The following CACNA2D3 variants were observed in gnomAD, a reference collection of about 807,000 sequenced individuals.
The protein encoded by CACNA2D3 is voltage-dependent calcium channel subunit alpha-2/delta-3.
In CACNA2D3, 60 loss-of-function variants were observed where a neutral mutation model predicts 160.6. The observed-to-expected ratio is 0.37, with a 90% CI of 0.30 to 0.46. CACNA2D3 has a LOEUF of 0.46. Ranked by LOEUF, CACNA2D3 falls within the 20% of genes least tolerant of loss-of-function variation. The pLI, the probability that CACNA2D3 is intolerant of heterozygous loss-of-function variation, is 1.00. For synonymous variants in CACNA2D3, 558 were observed against 492.9 expected (o/e 1.13, Z -1.75); for missense variants, 1,205 against 1,365.0 (o/e 0.88, Z 1.85).
chr3:54,556,376 T>C (rs1203622757), intron 5 of CACNA2D3, among the ~76,000 whole-genome samples: 5 of 151,972 alleles, frequency 3.3e-5, no homozygotes, highest in Non-Finnish European at 7.4e-5. Flanking sequence ...ATAATGAGGC[T>C]ACAAGCCAAG....
chr3:54,520,661 G>T (rs1701632969), intron 5 of CACNA2D3, among the ~76,000 whole-genome samples: 1 of 152,152 alleles, frequency 6.6e-6, no homozygotes, highest in Admixed American at 6.5e-5. Flanking sequence ...ACAATTCAGT[G>T]GTTTTAGTGT....
chr3:54,474,190 C>T (rs1700787215), intron 4 of CACNA2D3, among the ~76,000 whole-genome samples: 1 of 152,160 alleles, frequency 6.6e-6, no homozygotes, highest in Non-Finnish European at 1.5e-5. Flanking sequence ...AAATGTAGCA[C>T]ATATACACCA....
intron 35 of CACNA2D3, among the ~76,000 whole-genome samples, chr3:55,039,171 A>T (rs1322551526): frequency 6.6e-6 from 1 of 152,158 alleles, no homozygotes; most frequent in Non-Finnish European, 1.5e-5. Flanking sequence ...TAAAAGAGGC[A>T]GAAGCACTCA....
chr3:54,607,269 C>G (rs191544219), intron 9 of CACNA2D3, among the ~76,000 whole-genome samples: 32 of 152,230 alleles, frequency 2.1e-4, no homozygotes, highest in African/African-American at 6.5e-4. Context: ...TGAGGTCATG[C>G]GGCACTATAG....
At chr3:54,714,713 G>A (rs934800883) in intron 11 of CACNA2D3, among the ~76,000 whole-genome samples, 10 of 152,178 alleles carry the variant, frequency 6.6e-5, no homozygotes, top group Admixed American at 1.3e-4. Flanking sequence ...TCATGGTCAC[G>A]AGGATGATGG....
At chr3:54,244,462 A>T (rs1301227989) in intron 2 of CACNA2D3, among the ~76,000 whole-genome samples, 1 of 152,246 alleles carries the variant, frequency 6.6e-6, no homozygotes, top group Non-Finnish European at 1.5e-5. Context: ...TTTAAAAATG[A>T]CATCATTTGT....
chr3:54,969,262 CTTT>C (rs66688757), intron 28 of CACNA2D3, among the ~76,000 whole-genome samples: 1 of 134,688 alleles, frequency 7.4e-6, no homozygotes, highest in African/African-American at 2.8e-5. Flanking sequence ...ATAAAGTAGA[CTTT>C]TTTTTTTTTT....
chr3:54,308,260 T>C (rs1402205524), intron 2 of CACNA2D3, among the ~76,000 whole-genome samples: 3 of 152,236 alleles, frequency 2.0e-5, no homozygotes, highest in Non-Finnish European at 4.4e-5. Context: ...TTCCATAGTG[T>C]TGACTTGGAG....
Position 54,822,796 on chromosome 3 carries a change from TTTC to T in CACNA2D3, c.1398+5929_1398+5931del, listed in dbSNP as rs1244790938. 6.4e-3 allele frequency among the ~76,000 whole-genome samples: 580 copies of T among 90,364 alleles called. 13 individuals are homozygous for T. The highest frequency in any genetic ancestry group is 9.2e-3 in the African/African-American group (181 of 19,766). 59.3% of individuals were successfully genotyped at this position (90,364 alleles called of 152,430 possible). ...TTTCTTTCTTTCTTTCTTTCCTTTC[TTTC>T]TTTCTTTCTTTCTTTCTTTCTTTCT... On this transcript the variant is annotated intron_variant, in intron 14 of 37. Coordinates refer to ENST00000474759, the MANE Select transcript of CACNA2D3 (RefSeq NM_018398.3).
At chr3:54,864,458 G>A (rs1281370078) in intron 17 of CACNA2D3, among the ~76,000 whole-genome samples, 1 of 152,116 alleles carries the variant, frequency 6.6e-6, no homozygotes, top group Admixed American at 6.5e-5. Context: ...TTTTTTGGTA[G>A]AGATGGGTTT....
At chr3:54,947,804 A>G (rs967850766) in intron 27 of CACNA2D3, among the ~76,000 whole-genome samples, 2 of 152,138 alleles carry the variant, frequency 1.3e-5, no homozygotes, top group African/African-American at 4.8e-5. Flanking sequence ...AATCATTGCA[A>G]TGTTTGGGGA....
At chr3:54,477,060 C>T (rs75416034) in intron 4 of CACNA2D3, among the ~76,000 whole-genome samples, 2,883 of 152,148 alleles carry the variant, frequency 0.019, 80 homozygotes, top group African/African-American at 0.064. Flanking sequence ...AGAGACCAGC[C>T]TAAGGCATGA....
chr3:54,928,522 C>T (rs1039402396), intron 27 of CACNA2D3, among the ~76,000 whole-genome samples: 2 of 152,164 alleles, frequency 1.3e-5, no homozygotes, highest in Non-Finnish European at 2.9e-5. Flanking sequence ...TTGCACCGTG[C>T]ACTTCTTTGG....
At chr3:54,225,891 A>G (rs773870312) in intron 2 of CACNA2D3, among the ~76,000 whole-genome samples, 4 of 152,002 alleles carry the variant, frequency 2.6e-5, no homozygotes, top group Non-Finnish European at 5.9e-5. Context: ...ATATTTCTCC[A>G]GAGAGAATTT....
chr3:54,438,992 A>C (rs1271734470), intron 4 of CACNA2D3, among the ~76,000 whole-genome samples: 1 of 152,234 alleles, frequency 6.6e-6, no homozygotes, highest in Non-Finnish European at 1.5e-5. Context: ...ACAAGTGCCC[A>C]ATCAGTCGAC....
intron 11 of CACNA2D3, among the ~76,000 whole-genome samples, chr3:54,669,186 C>T (rs1700117230): frequency 1.3e-5 from 2 of 152,178 alleles, no homozygotes; most frequent in African/African-American, 4.8e-5. Flanking sequence ...CCATGCTTGG[C>T]TTAATGCTCT....
At chr3:54,334,346 A>C (rs1305639968) in intron 3 of CACNA2D3, among the ~76,000 whole-genome samples, 1 of 152,126 alleles carries the variant, frequency 6.6e-6, no homozygotes, top group Non-Finnish European at 1.5e-5. Flanking sequence ...TTGGCCTCTC[A>C]AAGTGCTGGG....
intron 4 of CACNA2D3, among the ~76,000 whole-genome samples, chr3:54,426,386 T>C (rs1699912757): frequency 6.6e-6 from 1 of 152,246 alleles, no homozygotes; most frequent in African/African-American, 2.4e-5. Context: ...TCATAATATT[T>C]GCCTTTCCAC....
intron 3 of CACNA2D3, among the ~76,000 whole-genome samples, chr3:54,339,482 G>A (rs75524588): frequency 1.3e-5 from 2 of 151,818 alleles, no homozygotes; most frequent in African/African-American, 2.4e-5. Context: ...CATAGAACTC[G>A]TCAGTATTTA....
Sources: allele counts gnomAD v4.1 joint callset (sites outside exome capture counted in the v4.1 genomes callset), GRCh38; gene constraint gnomAD v4.1.1; transcripts MANE v1.5; gene names NCBI Gene and HGNC (gene_info 2026-07-23, HGNC 2026-07-21).